ITFG1: variants seen among roughly 807,000 people sequenced by gnomAD.
ITFG1 encodes T-cell immunomodulatory protein.
In ITFG1, 34 loss-of-function variants were observed where a neutral mutation model predicts 81.8. The ratio of observed to expected loss-of-function variants is 0.42; its 90% CI spans 0.32 to 0.55. ITFG1 has a LOEUF of 0.55. Among genes scored for constraint, ITFG1 ranks in the 20% least tolerant of loss-of-function variants. ITFG1 has a pLI of 0.17. For missense variants in ITFG1, 672 were observed against 755.4 expected, an observed-to-expected ratio of 0.89 and a Z score of 1.29; for synonymous variants, 285 against 270.6, an observed-to-expected ratio of 1.05 and a Z score of -0.52.
chr16:47,179,352 A>G lies in ITFG1; in HGVS notation c.1454-16688T>C, dbSNP rs183336592. Among the ~76,000 whole-genome samples the G allele has an allele frequency of 2.0e-4, 31 of 152,368 alleles. No homozygotes were observed. In the East Asian group the frequency reaches 4.8e-3, roughly 24 times the overall value. On this transcript the variant is annotated intron_variant, in intron 14 of 17. Transcript: ENST00000320640. ...CAAATGTCCATCAATGATAGATTGGATTAAGAAAATGTGGCACATATACAC... is the reference window on the plus strand; with the variant it reads ...CAAATGTCCATCAATGATAGATTGGGTTAAGAAAATGTGGCACATATACAC...
chr16:47,280,302 TTC>T (rs1212469940), intron 10 of ITFG1, among the ~76,000 whole-genome samples: 2 of 152,180 alleles, frequency 1.3e-5, no homozygotes, highest in African/African-American at 4.8e-5. Flanking sequence ...ATTCCCATAT[TTC>T]TGAGAGGTTT....
At chr16:47,430,715 C>T (rs1022009838) in intron 5 of ITFG1, among the ~76,000 whole-genome samples, 1 of 152,100 alleles carries the variant, frequency 6.6e-6, no homozygotes, top group Non-Finnish European at 1.5e-5. Context: ...CAAAATTTAA[C>T]TCAGAATGGA....
At chr16:47,283,971 G>A (rs1230288507) in intron 10 of ITFG1, among the ~76,000 whole-genome samples, 1 of 152,174 alleles carries the variant, frequency 6.6e-6, no homozygotes, top group Non-Finnish European at 1.5e-5. Context: ...AAAACACTAT[G>A]CTAAGTGAAA....
chr16:47,235,945 G>A (rs1390900033), intron 13 of ITFG1, among the ~76,000 whole-genome samples: 1 of 152,176 alleles, frequency 6.6e-6, no homozygotes, highest in Non-Finnish European at 1.5e-5. Context: ...AAAATGATAT[G>A]GTGAAGGGCA....
intron 8 of ITFG1, among the ~76,000 whole-genome samples, chr16:47,318,553 C>T (rs1317051905): frequency 1.3e-5 from 2 of 151,992 alleles, no homozygotes; most frequent in Admixed American, 1.3e-4. Context: ...TTATATTTTA[C>T]GCTCCATAGA....
intron 14 of ITFG1, among the ~76,000 whole-genome samples, chr16:47,166,771 C>CAGT (rs1567411810): frequency 0.015 from 1 of 68 alleles, no homozygotes; most frequent in Non-Finnish European, 0.12. Context: ...TAGTTTGCAC[C>CAGT]CAAATTAGTT....
intron 10 of ITFG1, among the ~76,000 whole-genome samples, chr16:47,280,147 T>C (rs1032425679): frequency 1.3e-5 from 2 of 152,198 alleles, no homozygotes; most frequent in African/African-American, 4.8e-5. Context: ...CTTCCAGTAC[T>C]AGGTTCAATG....
At chr16:47,306,103 A>G (rs1454761754) in intron 10 of ITFG1, among the ~76,000 whole-genome samples, 2 of 152,208 alleles carry the variant, frequency 1.3e-5, no homozygotes, top group Non-Finnish European at 2.9e-5. Context: ...TAGTTCATTA[A>G]AGGTAAAATT....
chr16:47,311,249 G>A lies in ITFG1; in HGVS notation c.1061C>T (p.Thr354Ile). Residue 354 changes from threonine to isoleucine, a missense_variant, in exon 10 of 18, where the codon ACA becomes ATA. This residue lies in a region of ITFG1 where 560 missense variants were observed against 625.7 expected (regional missense o/e 0.90). Transcript: ENST00000320640. Reference sequence around the variant, plus strand: ...GATTTAATTTCCTTACCTTCCAGATGTGTTCTTTAGTATGACCAGAGCGTC... The same window carrying A: ...GATTTAATTTCCTTACCTTCCAGATATGTTCTTTAGTATGACCAGAGCGTC... ...YPDALVILKN[T>I]SGSNQQAFLL... 1.9e-6 allele frequency: 3 copies of A among 1,603,296 alleles called. No individual in the cohort carries two copies. The Admixed American group carries it at 5.2e-5, about 28-fold the overall frequency.
chr16:47,180,774 G>A (rs1380329485), intron 14 of ITFG1, among the ~76,000 whole-genome samples: 1 of 152,150 alleles, frequency 6.6e-6, no homozygotes, highest in East Asian at 1.9e-4. Flanking sequence ...GTCCCAAAGT[G>A]CCGAGATTGC....
intron 6 of ITFG1, among the ~76,000 whole-genome samples, chr16:47,400,889 G>A (rs1471474853): frequency 6.6e-6 from 1 of 152,146 alleles, no homozygotes; most frequent in Non-Finnish European, 1.5e-5. Flanking sequence ...CAAAAAGCAT[G>A]CGATTCTTTC....
intron 8 of ITFG1, among the ~76,000 whole-genome samples, chr16:47,333,121 T>C (rs1967656970): frequency 6.6e-6 from 1 of 152,076 alleles, no homozygotes; most frequent in African/African-American, 2.4e-5. Context: ...TGTCCTGGGA[T>C]GGAAGAAGGA....
intron 14 of ITFG1, among the ~76,000 whole-genome samples, chr16:47,195,319 C>A (rs1176738975): frequency 6.6e-6 from 1 of 152,102 alleles, no homozygotes; most frequent in South Asian, 2.1e-4. Flanking sequence ...AGAATCATCA[C>A]ACAAAACTGG....
chr16:47,402,540 C>T (rs576901446), intron 6 of ITFG1, among the ~76,000 whole-genome samples: 10 of 152,298 alleles, frequency 6.6e-5, no homozygotes, highest in South Asian at 6.2e-4. Flanking sequence ...CACAGCATCC[C>T]GGCTCTGGCT....
At chr16:47,345,438 T>G (rs189048372) in intron 8 of ITFG1, among the ~76,000 whole-genome samples, 1 of 152,138 alleles carries the variant, frequency 6.6e-6, no homozygotes, top group East Asian at 1.9e-4. Context: ...GTAGCTGGGA[T>G]TACAGATGCG....
At chr16:47,216,325 C>T (rs1965624342) in intron 14 of ITFG1, among the ~76,000 whole-genome samples, 1 of 152,068 alleles carries the variant, frequency 6.6e-6, no homozygotes, top group Non-Finnish European at 1.5e-5. Flanking sequence ...CCCGAAGTAG[C>T]TGGGACTACA....
intron 5 of ITFG1, among the ~76,000 whole-genome samples, chr16:47,437,851 A>G (rs2151612931): frequency 6.6e-6 from 1 of 152,330 alleles, no homozygotes; most frequent in East Asian, 1.9e-4. Context: ...CAGTGGGTGC[A>G]GCGCACCGTG....
intron 10 of ITFG1, among the ~76,000 whole-genome samples, chr16:47,310,708 T>C (rs1967244444): frequency 6.6e-6 from 1 of 152,224 alleles, no homozygotes. Context: ...ATTTACTAAA[T>C]GTAAAATCAG....
chr16:47,458,525 G>C lies in ITFG1; in HGVS notation c.281+578C>G, dbSNP rs145737009. On this transcript the variant is annotated intron_variant, in intron 2 of 17. Transcript: ENST00000320640. ...TTCAAATGAATGTAGTTTCAAAACT[G>C]TGTTGGGTCACTATCATGGAGGTAG... 1.4e-3 allele frequency among the ~76,000 whole-genome samples: 211 copies of C among 152,320 alleles called. 1 individual carries two copies. Among genetic ancestry groups the C allele is most frequent in the Admixed American group, 3.9e-3 (59 of 15,298 alleles).
Sources: allele counts gnomAD v4.1 joint callset (sites outside exome capture counted in the v4.1 genomes callset), GRCh38; gene constraint gnomAD v4.1.1; regional missense constraint gnomAD v4.1.1; transcripts MANE v1.5; gene names NCBI Gene and HGNC (gene_info 2026-07-23, HGNC 2026-07-21).